Variants in PPP2R5A observed in about 807,000 individuals in gnomAD.
The protein encoded by PPP2R5A is protein phosphatase 2 regulatory subunit B'alpha.
PPP2R5A carries 25 observed loss-of-function variants against 64.2 expected under a neutral mutation model. The observed-to-expected ratio is 0.39, with a 90% CI of 0.28 to 0.54. The LOEUF is 0.54. Among genes scored for constraint, PPP2R5A ranks in the 20% least tolerant of loss-of-function variants. PPP2R5A has a pLI of 0.67. For synonymous variants in PPP2R5A, 198 were observed against 201.2 expected (o/e 0.98, Z 0.13); for missense variants, 425 against 576.3 (o/e 0.74, Z 2.69).
At chr1:212,356,389 T>C (rs997470416) in intron 8 of PPP2R5A, among the ~76,000 whole-genome samples, 7 of 152,348 alleles carry the variant, frequency 4.6e-5, no homozygotes, top group Non-Finnish European at 7.3e-5. Flanking sequence ...CTCATCTGTC[T>C]TGTACATCAG....
Position 212,300,568 on chromosome 1 carries a change from G to A in PPP2R5A, c.181+14277G>A, listed in dbSNP as rs533234641. Among the ~76,000 whole-genome samples, 252 of 152,186 alleles carry A rather than the reference G, an allele frequency of 1.7e-3. 1 individual carries two copies. Among genetic ancestry groups the A allele is most frequent in the African/African-American group, 5.6e-3 (234 of 41,538 alleles). On this transcript the variant is annotated intron_variant, in intron 1 of 12. Coordinates refer to ENST00000261461, the MANE Select transcript of PPP2R5A (RefSeq NM_006243.4). The stretch of plus-strand genomic sequence containing the variant: ...GAGGAAATCTCTTTTAAATTTTTGA[G>A]CATCTTCCCATATTTTCCCATGAGT...
intron 1 of PPP2R5A, chr1:212,301,974 C>T (rs1157559520): frequency 1.4e-6 from 2 of 1,380,920 alleles, no homozygotes; most frequent in Non-Finnish European, 1.9e-6. Context: ...AATTATTTAT[C>T]CTTAAATGTA....
In PPP2R5A at chr1:212,333,616, G is replaced by A. The variant is rs753369680; in HGVS notation, c.480+18G>A. On this transcript the variant is annotated intron_variant, in intron 3 of 12. Coordinates refer to ENST00000261461, the MANE Select transcript of PPP2R5A (RefSeq NM_006243.4). The stretch of plus-strand genomic sequence containing the variant: ...ACATACAGGTATGGAACATAATTAC[G>A]TATTGGCAGTTTTTATATTTATGCT... The A allele has an allele frequency of 6.1e-5, 83 of 1,364,420 alleles. No homozygotes were observed. Among genetic ancestry groups the A allele is most frequent in the Middle Eastern group, 3.7e-4 (2 of 5,416 alleles). The allele number at this position is 1,364,420 out of a possible 1,614,324, so 84.5% of individuals were successfully genotyped here.
intron 3 of PPP2R5A, among the ~76,000 whole-genome samples, chr1:212,335,312 C>T (rs897577158): frequency 2.6e-5 from 4 of 151,716 alleles, no homozygotes; most frequent in African/African-American, 9.7e-5. Context: ...CCCATCTCTA[C>T]TAAAAATACA....
intron 11 of PPP2R5A, 85 bp from the exon 12 acceptor site, chr1:212,358,601 C>A (rs111570438): frequency 1.0e-6 from 1 of 994,944 alleles, no homozygotes; most frequent in Non-Finnish European, 1.5e-6. Context: ...ATCAGCCAAG[C>A]TTTAACCCAT....
At chr1:212,336,075 G>A (rs1659590052) in intron 3 of PPP2R5A, among the ~76,000 whole-genome samples, 1 of 151,938 alleles carries the variant, frequency 6.6e-6, no homozygotes, top group Admixed American at 6.6e-5. Context: ...CATTTTAGGA[G>A]GTGGTAAGTT....
At chr1:212,352,719 G>A (rs1478732155) in intron 8 of PPP2R5A, 1 of 493,846 alleles carries the variant, frequency 2.0e-6, no homozygotes, top group Non-Finnish European at 4.0e-6. Context: ...CAAAGTGCTG[G>A]GATTAAAGGC....
chr1:212,338,575 T>A (rs1205154886), intron 3 of PPP2R5A, among the ~76,000 whole-genome samples: 1 of 151,882 alleles, frequency 6.6e-6, no homozygotes, highest in Non-Finnish European at 1.5e-5. Flanking sequence ...GATCATGAGG[T>A]CAGGAGTTCG....
At chr1:212,344,229 C>T (rs1047667756) in intron 4 of PPP2R5A, among the ~76,000 whole-genome samples, 1 of 152,206 alleles carries the variant, frequency 6.6e-6, no homozygotes, top group Admixed American at 6.5e-5. Context: ...CTGCCTTGGC[C>T]TCCCAAAGTG....
intron 1 of PPP2R5A, among the ~76,000 whole-genome samples, chr1:212,314,504 C>T (rs1659106906): frequency 6.6e-6 from 1 of 151,726 alleles, no homozygotes; most frequent in South Asian, 2.1e-4. Context: ...TCAAGCAGTC[C>T]TCCCACTTCA....
intron 1 of PPP2R5A, among the ~76,000 whole-genome samples, chr1:212,311,713 A>G (rs1659037480): frequency 6.6e-6 from 1 of 152,152 alleles, no homozygotes; most frequent in Non-Finnish European, 1.5e-5. Flanking sequence ...GGCCTAAGCC[A>G]TCTGTGTTTG....
chr1:212,327,332 G>A, intron 1 of PPP2R5A, among the ~76,000 whole-genome samples: 1 of 152,182 alleles, frequency 6.6e-6, no homozygotes, highest in East Asian at 1.9e-4. Flanking sequence ...GGTTTTGAAG[G>A]TTAGAAACAA....
At chr1:212,286,757 C>T (rs536501563) in intron 1 of PPP2R5A, among the ~76,000 whole-genome samples, 6 of 152,318 alleles carry the variant, frequency 3.9e-5, no homozygotes, top group African/African-American at 1.4e-4. Flanking sequence ...CTGCACCCAC[C>T]TTCTTCTCAA....
chr1:212,350,037 C>A (rs1659848333), intron 8 of PPP2R5A, among the ~76,000 whole-genome samples: 1 of 152,010 alleles, frequency 6.6e-6, no homozygotes, highest in African/African-American at 2.4e-5. Context: ...ATGGCAAAAA[C>A]CACAATCACT....
intron 11 of PPP2R5A, chr1:212,358,245 C>G (rs909884667): frequency 1.3e-5 from 2 of 153,126 alleles, no homozygotes; most frequent in Admixed American, 1.3e-4. Context: ...TATAGTCTCC[C>G]CTCTATAAAT....
chr1:212,287,418 C>T (rs530132237), intron 1 of PPP2R5A, among the ~76,000 whole-genome samples: 1 of 152,264 alleles, frequency 6.6e-6, no homozygotes, highest in African/African-American at 2.4e-5. Flanking sequence ...TGTCTTTGGG[C>T]CTGTGAATCC....
chr1:212,324,486 A>C (rs993471670), intron 1 of PPP2R5A, among the ~76,000 whole-genome samples: 1 of 152,166 alleles, frequency 6.6e-6, no homozygotes, highest in African/African-American at 2.4e-5. Context: ...TTAGAAAAAC[A>C]TACTTTCCAT....
At chr1:212,348,353 C>G (rs762516749) in intron 6 of PPP2R5A, 36 bp from the exon 7 acceptor site, 1 of 1,335,046 alleles carries the variant, frequency 7.5e-7, no homozygotes, top group Non-Finnish European at 1.1e-6. Context: ...AAAGTAGTAA[C>G]TACTTAACCC....
intron 8 of PPP2R5A, among the ~76,000 whole-genome samples, chr1:212,351,272 C>T (rs1659874677): frequency 6.6e-6 from 1 of 152,068 alleles, no homozygotes; most frequent in African/African-American, 2.4e-5. Context: ...TTTTCCAACT[C>T]ATAAAGATCT....
Sources: gnomAD v4.1 joint callset for allele counts (sites outside exome capture counted in the v4.1 genomes callset) on GRCh38, gnomAD v4.1.1 for gene constraint, MANE v1.5 for transcripts, NCBI Gene and HGNC (gene_info 2026-07-23, HGNC 2026-07-21) for gene names.